The following YBX3 variants were observed in gnomAD, a reference collection of about 807,000 sequenced individuals.
YBX3 encodes Y-box-binding protein 3.
A neutral mutation model predicts 42.4 loss-of-function variants in YBX3; 29 were observed. The ratio of observed to expected loss-of-function variants is 0.68; its 90% confidence interval spans 0.51 to 0.93. The LOEUF is 0.93. Among genes scored for constraint, YBX3 ranks in the 40% least tolerant of loss-of-function variants. The pLI is 0.00. For synonymous variants in YBX3, 195 were observed against 189.8 expected, an observed-to-expected ratio of 1.03 and a Z score of -0.22; for missense variants, 517 against 527.5, an observed-to-expected ratio of 0.98 and a Z score of 0.19.
chr12:10,711,358 T>A (rs1229202033), intron 5 of YBX3: 2 of 152,118 alleles, frequency 1.3e-5, no homozygotes, highest in Non-Finnish European at 1.5e-5. Flanking sequence ...TATTTAAGCT[T>A]TGGACCCTTC....
chr12:10,714,015 A>G (rs1948230511), intron 4 of YBX3, among the ~76,000 whole-genome samples: 1 of 152,208 alleles, frequency 6.6e-6, no homozygotes, highest in Non-Finnish European at 1.5e-5. Flanking sequence ...ATCACTTTGT[A>G]AAACCCTGAG....
chr12:10,708,742 A>C (rs1307798578), intron 6 of YBX3, among the ~76,000 whole-genome samples: 1 of 152,250 alleles, frequency 6.6e-6, no homozygotes, highest in Non-Finnish European at 1.5e-5. Context: ...CGTGGCACTA[A>C]GGAACGACTT....
chr12:10,723,233 A>AGGC lies in YBX3; in HGVS notation c.-125_-123dup. 8.6e-7 allele frequency: 1 copy of AGGC among 1,165,694 alleles called. No homozygotes were observed. Among genetic ancestry groups the AGGC allele is most frequent in the Non-Finnish European group, 1.1e-6 (1 of 945,288 alleles). The allele number at this position is 1,165,694 out of a possible 1,614,324, so 72.2% of individuals were successfully genotyped here. ...GAGGCCGGGGCGGATCTCGCGGCGC[A>AGGC]GGCGGCGGCGGCCGAGGTGGGGTCG... On this transcript the variant is annotated 5_prime_UTR_variant, in exon 1 of 10. Coordinates refer to ENST00000228251, the MANE Select transcript of YBX3 (RefSeq NM_003651.5).
At chr12:10,711,493 T>C (rs1411359534) in intron 5 of YBX3, 1 of 152,232 alleles carries the variant, frequency 6.6e-6, no homozygotes. Flanking sequence ...TTCACAATTA[T>C]GTAAACGTTT....
At chr12:10,705,383 A>G (rs1301835533) in intron 6 of YBX3, among the ~76,000 whole-genome samples, 3 of 152,076 alleles carry the variant, frequency 2.0e-5, no homozygotes, top group African/African-American at 7.2e-5. Context: ...ATGAGCCACC[A>G]CGTTGGTTTT....
At chr12:10,722,605 AGAAGGGAGAT>A (rs1241788299) in intron 1 of YBX3, among the ~76,000 whole-genome samples, 1 of 152,240 alleles carries the variant, frequency 6.6e-6, no homozygotes, top group Non-Finnish European at 1.5e-5. Context: ...GCCCGGAACC[AGAAGGGAGAT>A]GCACACGGCC....
rs1466099799 is a variant in YBX3 at position 10,699,261 on chromosome 12, CA to C, written c.*427del. On this transcript the variant is annotated 3_prime_UTR_variant, in exon 10 of 10. Transcript: ENST00000228251. Reference sequence around the variant, plus strand: ...CACTTGGAGGTTTAGCACCAGCATCCAAAATGAACAAAAACGGAAAAAAAAG... The same window carrying C: ...CACTTGGAGGTTTAGCACCAGCATCCAAATGAACAAAAACGGAAAAAAAAG... 1.3e-5 allele frequency: 2 copies of C among 150,988 alleles called. No homozygotes were observed. Among genetic ancestry groups the C allele is most frequent in the Admixed American group, 1.3e-4 (2 of 15,134 alleles). The allele number at this position is 150,988 out of a possible 1,614,324, so 9.4% of individuals were successfully genotyped here. A position where few individuals can be genotyped will look rare whatever the true frequency, so the allele number is the denominator to read the frequency against.
chr12:10,710,385 G>A (rs1948187046), intron 5 of YBX3: 1 of 1,363,144 alleles, frequency 7.3e-7, no homozygotes, highest in African/African-American at 1.5e-5. Flanking sequence ...CATCTCATTA[G>A]AACTCGTATC....
At chr12:10,720,026 T>C (rs1819416885) in intron 1 of YBX3, among the ~76,000 whole-genome samples, 1 of 152,196 alleles carries the variant, frequency 6.6e-6, no homozygotes, top group African/African-American at 2.4e-5. Flanking sequence ...ACAAATTCAG[T>C]ACTTCTAGGA....
At chr12:10,715,037 A>G (rs1186141101) in intron 4 of YBX3, among the ~76,000 whole-genome samples, 1 of 151,930 alleles carries the variant, frequency 6.6e-6, no homozygotes, top group Non-Finnish European at 1.5e-5. Context: ...GGTGTGGGCC[A>G]CCACGCCCAG....
Position 10,701,280 on chromosome 12 carries a change from G to A in YBX3, c.*8C>T. 1.3e-6 allele frequency: 1 copy of A among 780,470 alleles called. No individual in the cohort carries two copies. Among genetic ancestry groups the A allele is most frequent in the Non-Finnish European group, 2.4e-6 (1 of 418,110 alleles). The allele number at this position is 780,470 out of a possible 1,614,324, so 48.3% of individuals were successfully genotyped here. The stretch of plus-strand genomic sequence containing the variant: ...TGCCGATGGTGAAGGTGCCTGAGGA[G>A]CCTGGTGTTACTCAGCACTGCTCTG... On this transcript the variant is annotated 3_prime_UTR_variant, in exon 9 of 10. Transcript: ENST00000228251.
At chr12:10,701,911 C>T in intron 8 of YBX3, 49 bp downstream of exon 8, 2 of 1,553,694 alleles carry the variant, frequency 1.3e-6, no homozygotes, top group Non-Finnish European at 1.7e-6. Context: ...TAAAGTCTGA[C>T]ATGATTAAAG....
intron 8 of YBX3, 151 bp from the exon 9 acceptor site, chr12:10,701,504 C>T (rs148727723): frequency 1.6e-6 from 1 of 626,076 alleles, no homozygotes; most frequent in East Asian, 2.7e-5. Flanking sequence ...CAAATTAGTA[C>T]CATATTCAGT....
At chr12:10,706,665 C>T (rs1451333603) in intron 6 of YBX3, among the ~76,000 whole-genome samples, 3 of 152,100 alleles carry the variant, frequency 2.0e-5, no homozygotes, top group Admixed American at 6.5e-5. Context: ...CTATTTCCAC[C>T]TACACTCACT....
chr12:10,715,985 T>A (rs1948257690), intron 3 of YBX3: 1 of 546,928 alleles, frequency 1.8e-6, no homozygotes, highest in Admixed American at 3.2e-5. Flanking sequence ...CCTTGATTTG[T>A]GCTATTCATC....
intron 8 of YBX3, 151 bp downstream of exon 8, chr12:10,701,809 C>T (rs1948082124): frequency 1.2e-6 from 1 of 864,886 alleles, no homozygotes; most frequent in Admixed American, 2.4e-5. Context: ...GTGTTATGTA[C>T]AAGGCATACC....
At chr12:10,718,783 T>C (rs1219787362) in intron 2 of YBX3, among the ~76,000 whole-genome samples, 1 of 152,204 alleles carries the variant, frequency 6.6e-6, no homozygotes, top group Non-Finnish European at 1.5e-5. Context: ...CGTTTCTCCA[T>C]CTGTGAAATT....
chr12:10,700,394 A>G (rs1317676580), intron 9 of YBX3, among the ~76,000 whole-genome samples: 1 of 152,180 alleles, frequency 6.6e-6, no homozygotes, highest in African/African-American at 2.4e-5. Flanking sequence ...CTCTTAACTA[A>G]AAGCTAATGG....
intron 3 of YBX3, chr12:10,716,068 C>T: frequency 2.7e-6 from 1 of 376,902 alleles, no homozygotes; most frequent in Non-Finnish European, 4.9e-6. Context: ...ACTACTGTTA[C>T]AGGCTGATCA....
Sources: gnomAD v4.1 joint callset for allele counts (sites outside exome capture counted in the v4.1 genomes callset) on GRCh38, gnomAD v4.1.1 for gene constraint, MANE v1.5 for transcripts, NCBI Gene and HGNC (gene_info 2026-07-23, HGNC 2026-07-21) for gene names.